The following CCDC178 variants were observed in gnomAD, a reference collection of about 807,000 sequenced individuals.
The protein encoded by CCDC178 is coiled-coil domain-containing protein 178.
A neutral mutation model predicts 117.4 loss-of-function variants in CCDC178; 126 were observed. The ratio of observed to expected loss-of-function variants is 1.07; its 90% CI spans 0.93 to 1.24. CCDC178 has a LOEUF of 1.24. Ranked by LOEUF, CCDC178 falls within the 50% of genes most tolerant of loss-of-function variation. CCDC178 has a pLI of 0.00. For synonymous variants in CCDC178, 283 were observed against 313.4 expected (o/e 0.90, Z 1.02); for missense variants, 1,030 against 986.9 (o/e 1.04, Z -0.59).
intron 22 of CCDC178, among the ~76,000 whole-genome samples, chr18:32,941,734 T>C (rs1012571458): frequency 6.6e-6 from 1 of 152,190 alleles, no homozygotes; most frequent in Non-Finnish European, 1.5e-5. Flanking sequence ...GTCCTGCTAC[T>C]GAGCTTAGAC....
intron 2 of CCDC178, among the ~76,000 whole-genome samples, chr18:33,436,281 C>T (rs2064289126): frequency 6.6e-6 from 1 of 152,016 alleles, no homozygotes; most frequent in Non-Finnish European, 1.5e-5. Context: ...CATGAATGAC[C>T]TTAACACAAA....
rs555704583 is a variant in CCDC178, at chr18:33,104,910, T to C, written c.2239-12000A>G. Among the ~76,000 whole-genome samples the C allele has an allele frequency of 1.7e-4, 26 of 151,870 alleles. No homozygotes were observed. In the East Asian group the frequency reaches 5.1e-3, roughly 30 times the overall value. ...CTGGTAGGGAAGTGTAAGTGTGCCA[T>C]TGTAATAAGTTTCCATTAGTAAGCT... On this transcript the variant is annotated intron_variant, in intron 20 of 22. Transcript: ENST00000383096.
In CCDC178 at chr18:33,391,856, A is replaced by G. The variant is rs562597324; in HGVS notation, c.119-2227T>C. Among the ~76,000 whole-genome samples the G allele has an allele frequency of 2.6e-5, 4 of 152,122 alleles. No individual in the cohort carries two copies. In the South Asian group the frequency reaches 8.3e-4, roughly 32 times the overall value. ...CTAGGACATTAAAGGGAAACATAGG[A>G]AACAAATAATTCTTTTTTTTTTTTC... On this transcript the variant is annotated intron_variant, in intron 4 of 22. Transcript: ENST00000383096.
chr18:33,434,254 G>A (rs1372149448), intron 2 of CCDC178, among the ~76,000 whole-genome samples: 2 of 152,040 alleles, frequency 1.3e-5, no homozygotes, highest in South Asian at 4.1e-4. Flanking sequence ...AAATAAGAGT[G>A]GAAATGTGTA....
chr18:33,359,304 A>G (rs1306519837), intron 6 of CCDC178, among the ~76,000 whole-genome samples: 1 of 151,794 alleles, frequency 6.6e-6, no homozygotes, highest in Non-Finnish European at 1.5e-5. Context: ...GCAATTTCAT[A>G]TGAAGAAACG....
In CCDC178 at chr18:33,434,414, C is replaced by T. The variant is rs532279402; in HGVS notation, c.-23+5548G>A. 3.2e-3 allele frequency among the ~76,000 whole-genome samples: 485 copies of T among 151,988 alleles called. 1 individual carries two copies. The highest frequency in any genetic ancestry group is 0.011 in the African/African-American group (464 of 41,482). ...TACATTTTATACTATATATTTGGACCCTACTGATATAATTTTATACATGAT... is the reference window on the plus strand; with the variant it reads ...TACATTTTATACTATATATTTGGACTCTACTGATATAATTTTATACATGAT... On this transcript the variant is annotated intron_variant, in intron 2 of 22. Coordinates refer to ENST00000383096, the MANE Select transcript of CCDC178 (RefSeq NM_001105528.4).
chr18:33,359,811 A>C (rs2063101996), intron 6 of CCDC178, among the ~76,000 whole-genome samples: 1 of 151,482 alleles, frequency 6.6e-6, no homozygotes, highest in Non-Finnish European at 1.5e-5. Flanking sequence ...GTAGTTTAAA[A>C]TATTATTACA....
chr18:33,034,162 C>A (rs2056399415), intron 21 of CCDC178, among the ~76,000 whole-genome samples: 1 of 151,946 alleles, frequency 6.6e-6, no homozygotes, highest in Non-Finnish European at 1.5e-5. Context: ...TATCTTGTGG[C>A]TTTTACCTCT....
intron 11 of CCDC178, among the ~76,000 whole-genome samples, chr18:33,307,964 G>A (rs1229487636): frequency 6.6e-6 from 1 of 152,260 alleles, no homozygotes; most frequent in Admixed American, 6.5e-5. Context: ...TGCAGGGGCA[G>A]AGCCCTCATG....
intron 21 of CCDC178, among the ~76,000 whole-genome samples, chr18:33,059,400 C>T (rs2056885144): frequency 6.6e-6 from 1 of 152,120 alleles, no homozygotes. Flanking sequence ...CACACAAGAA[C>T]ACATTCTCTT....
At chr18:33,034,383 T>C (rs574439427) in intron 21 of CCDC178, among the ~76,000 whole-genome samples, 1 of 152,154 alleles carries the variant, frequency 6.6e-6, no homozygotes, top group Admixed American at 6.6e-5. Context: ...TTAAAAGCTT[T>C]TTATGTAAAC....
chr18:33,141,515 T>C (rs2058204771), intron 20 of CCDC178, among the ~76,000 whole-genome samples: 3 of 152,174 alleles, frequency 2.0e-5, no homozygotes, highest in African/African-American at 7.2e-5. Context: ...TGAAAGAACA[T>C]ACAGAACACT....
chr18:33,198,192 A>G (rs2058954062), intron 20 of CCDC178, among the ~76,000 whole-genome samples: 1 of 152,178 alleles, frequency 6.6e-6, no homozygotes, highest in Non-Finnish European at 1.5e-5. Flanking sequence ...AACAGGGAAC[A>G]CTTGGTGCTG....
chr18:33,033,100 G>A (rs1228782028), intron 21 of CCDC178, among the ~76,000 whole-genome samples: 2 of 151,988 alleles, frequency 1.3e-5, no homozygotes, highest in South Asian at 2.1e-4. Flanking sequence ...CTCATTTATG[G>A]TCTGTTGTAT....
At chr18:33,412,970 G>A (rs961888151) in intron 2 of CCDC178, among the ~76,000 whole-genome samples, 1 of 151,814 alleles carries the variant, frequency 6.6e-6, no homozygotes, top group Non-Finnish European at 1.5e-5. Context: ...TTTCCACATC[G>A]CTAACAACCT....
At chr18:33,021,534 T>TA (rs1374892041) in intron 21 of CCDC178, among the ~76,000 whole-genome samples, 1 of 152,128 alleles carries the variant, frequency 6.6e-6, no homozygotes, top group Admixed American at 6.6e-5. Flanking sequence ...CTGTTTCTAC[T>TA]AAAAATACAA....
At chr18:33,420,505 C>T (rs572273809) in intron 2 of CCDC178, among the ~76,000 whole-genome samples, 3 of 152,158 alleles carry the variant, frequency 2.0e-5, no homozygotes, top group East Asian at 3.9e-4. Flanking sequence ...AGCCATGCAC[C>T]CCAACACTCG....
chr18:33,051,043 G>C (rs2056739106), intron 21 of CCDC178, among the ~76,000 whole-genome samples: 2 of 152,076 alleles, frequency 1.3e-5, no homozygotes, highest in South Asian at 4.1e-4. Context: ...CTCTCTAGTA[G>C]CTGGGATCAC....
At chr18:32,980,306 G>A (rs951532106) in intron 21 of CCDC178, among the ~76,000 whole-genome samples, 3 of 152,020 alleles carry the variant, frequency 2.0e-5, no homozygotes, top group Non-Finnish European at 4.4e-5. Context: ...AAGCCCGGCC[G>A]GGCGCGGTGG....
Sources: gnomAD v4.1 joint callset for allele counts (sites outside exome capture counted in the v4.1 genomes callset) on GRCh38, gnomAD v4.1.1 for gene constraint, MANE v1.5 for transcripts, NCBI Gene and HGNC (gene_info 2026-07-23, HGNC 2026-07-21) for gene names.